The following ZBTB16 variants were observed in gnomAD, a reference collection of about 807,000 sequenced individuals.
ZBTB16 encodes the protein zinc finger and BTB domain-containing protein 16.
A neutral mutation model predicts 56.8 loss-of-function variants in ZBTB16; 8 were observed. The observed-to-expected ratio is 0.14, with a 90% confidence interval of 0.08 to 0.25. The LOEUF (loss-of-function observed/expected upper bound fraction) is 0.25, where lower values mean the gene tolerates loss of function less well. ZBTB16 is among the 10% of genes least tolerant of loss of function. ZBTB16 has a pLI of 1.00. For missense variants in ZBTB16, 625 were observed against 903.0 expected (o/e 0.69, Z 3.95); for synonymous variants, 363 against 368.5 (o/e 0.98, Z 0.17).
At chr11:114,139,834 C>T (rs903887307) in intron 2 of ZBTB16, among the ~76,000 whole-genome samples, 5 of 152,118 alleles carry the variant, frequency 3.3e-5, no homozygotes, top group African/African-American at 9.7e-5. Flanking sequence ...TGTGAATGGG[C>T]GGCTGTGGAG....
intron 2 of ZBTB16, among the ~76,000 whole-genome samples, chr11:114,104,743 CAT>C (rs1940730618): frequency 6.6e-6 from 1 of 152,232 alleles, no homozygotes; most frequent in East Asian, 1.9e-4. Flanking sequence ...GCTTCTGCAT[CAT>C]GTTTTCCATG....
intron 2 of ZBTB16, among the ~76,000 whole-genome samples, chr11:114,117,416 C>T (rs944087020): frequency 1.3e-5 from 2 of 151,796 alleles, no homozygotes; most frequent in Admixed American, 6.6e-5. Flanking sequence ...GTCAGAGGAA[C>T]CACCTAGGAG....
intron 4 of ZBTB16, among the ~76,000 whole-genome samples, chr11:114,241,245 AC>A (rs1325424096): frequency 2.0e-5 from 3 of 151,856 alleles, no homozygotes; most frequent in East Asian, 3.9e-4. Context: ...AAAAAAAAAA[AC>A]AAAACAGGAT....
intron 4 of ZBTB16, among the ~76,000 whole-genome samples, chr11:114,219,657 GC>G (rs1448297341): frequency 1.2e-4 from 15 of 125,232 alleles, no homozygotes; most frequent in Admixed American, 1.2e-3. Context: ...TTTAAAAAAA[GC>G]TTAAAAAAAA....
intron 2 of ZBTB16, among the ~76,000 whole-genome samples, chr11:114,145,493 T>C (rs1336675409): frequency 1.3e-5 from 2 of 152,134 alleles, no homozygotes. Flanking sequence ...CAAGCTATGA[T>C]AGGAATGAAG....
rs1353688652 is a variant in ZBTB16 at position 114,063,978 on chromosome 11, G to C, written c.678G>C (p.Glu226Asp). The C allele has an allele frequency of 5.6e-6, 9 of 1,613,588 alleles. No individual in the cohort carries two copies. In the South Asian group the frequency reaches 7.7e-5, roughly 14 times the overall value. Residue 226 changes from glutamate (E) to aspartate (D), a missense_variant, in exon 2 of 7, where the codon GAG (glutamate) becomes GAC (aspartate). Glu to Asp is a conservative substitution (Grantham distance 45, BLOSUM62 2). Coordinates refer to ENST00000335953, the MANE Select transcript of ZBTB16 (RefSeq NM_006006.6). The surrounding 1 kb of genome is among the most constrained non-coding windows in gnomAD (Gnocchi z 6.5). ...TTCAGCCACCTGCAGGGCCCGAGGA[G>C]CCAACTCTGGCTGGGGGTGGGCGGC... Reference protein sequence around the residue: ...GTLQPPAGPEEPTLAGGGRHP... With the variant: ...GTLQPPAGPEDPTLAGGGRHP...
At chr11:114,079,844 C>T (rs886982542) in intron 2 of ZBTB16, among the ~76,000 whole-genome samples, 11 of 152,144 alleles carry the variant, frequency 7.2e-5, no homozygotes, top group African/African-American at 2.4e-4. Context: ...TTTTGATTTC[C>T]AGCTACTATG....
At chr11:114,227,635 G>C (rs1303945270) in intron 4 of ZBTB16, among the ~76,000 whole-genome samples, 1 of 152,152 alleles carries the variant, frequency 6.6e-6, no homozygotes, top group Non-Finnish European at 1.5e-5. Flanking sequence ...TCTAAGTCTT[G>C]TGGGTGTCAC....
chr11:114,123,339 A>C (rs1411798064), intron 2 of ZBTB16, among the ~76,000 whole-genome samples: 1 of 152,182 alleles, frequency 6.6e-6, no homozygotes, highest in Non-Finnish European at 1.5e-5. Flanking sequence ...AGACCAGTGC[A>C]GATGAAAAGG....
At chr11:114,086,354 C>T (rs78959663) in intron 2 of ZBTB16, among the ~76,000 whole-genome samples, 6,503 of 152,046 alleles carry the variant, frequency 0.043, 455 homozygotes, top group African/African-American at 0.15. Flanking sequence ...GCCTTCAAGA[C>T]CTCCTCAAGT....
intron 4 of ZBTB16, among the ~76,000 whole-genome samples, chr11:114,210,199 G>GCA (rs1555156009): frequency 6.6e-6 from 1 of 150,998 alleles, no homozygotes; most frequent in Non-Finnish European, 1.5e-5. Context: ...GTGTGCGTGC[G>GCA]CGCGCGTGCA....
chr11:114,189,813 GTTC>G (rs1397935449), intron 4 of ZBTB16: 2 of 151,582 alleles, frequency 1.3e-5, no homozygotes, highest in Admixed American at 6.6e-5. Context: ...CGATGCAGCA[GTTC>G]TTCTTTTAGG....
At chr11:114,098,640 T>C (rs570003714) in intron 2 of ZBTB16, among the ~76,000 whole-genome samples, 18 of 152,252 alleles carry the variant, frequency 1.2e-4, no homozygotes, top group Admixed American at 3.3e-4. Context: ...TCTTTATTTT[T>C]ATCTTGAGTC....
chr11:114,154,527 C>A (rs553742405), intron 2 of ZBTB16, among the ~76,000 whole-genome samples: 1 of 152,176 alleles, frequency 6.6e-6, no homozygotes, highest in African/African-American at 2.4e-5. Context: ...CACTCACATA[C>A]CCCTAGGTAT....
At position 114,123,094 on chromosome 11, in the gene ZBTB16, T is replaced by G. The variant is rs146775196; in HGVS notation, c.1269-33243T>G. Among the ~76,000 whole-genome samples, 472 of 152,192 alleles carry G rather than the reference T, an allele frequency of 3.1e-3. 7 individuals carry two copies. In the East Asian group the frequency reaches 0.033, roughly 11 times the overall value. ...GAGACAGTGAGCTGGTGTCTCTTCT[T>G]ACAAGGACACTATTCTGTCAGATCA... is the stretch of plus-strand genomic sequence containing the variant. On this transcript the variant is annotated intron_variant, in intron 2 of 6. Coordinates refer to ENST00000335953, the MANE Select transcript of ZBTB16 (RefSeq NM_006006.6).
At chr11:114,157,819 A>G (rs1565656927) in intron 3 of ZBTB16, among the ~76,000 whole-genome samples, 2 of 152,086 alleles carry the variant, frequency 1.3e-5, no homozygotes, top group East Asian at 1.9e-4. Context: ...GCTGGCAGCT[A>G]TCTCTCTCAG....
chr11:114,209,731 A>G (rs1363323548), intron 4 of ZBTB16: 10 of 985,424 alleles, frequency 1.0e-5, no homozygotes, highest in African/African-American at 1.7e-5. Context: ...GCCCCCAGGC[A>G]TGTTCACCCC....
chr11:114,114,118 G>A (rs1941101939), intron 2 of ZBTB16, among the ~76,000 whole-genome samples: 1 of 152,240 alleles, frequency 6.6e-6, no homozygotes, highest in Non-Finnish European at 1.5e-5. Flanking sequence ...CGGGAAATAA[G>A]TAGAGATACT....
At chr11:114,085,906 A>C (rs1939942011) in intron 2 of ZBTB16, among the ~76,000 whole-genome samples, 1 of 152,172 alleles carries the variant, frequency 6.6e-6, no homozygotes, top group Non-Finnish European at 1.5e-5. Context: ...GGGTTGGATC[A>C]TTGCGATATT....
Sources: gnomAD v4.1 joint callset for allele counts (sites outside exome capture counted in the v4.1 genomes callset) on GRCh38, gnomAD v4.1.1 for gene constraint, Gnocchi (gnomAD v3.1) non-coding constraint, MANE v1.5 for transcripts, NCBI Gene and HGNC (gene_info 2026-07-23, HGNC 2026-07-21) for gene names.